Variants in TRPM3 observed in about 807,000 individuals in gnomAD.
TRPM3 encodes transient receptor potential cation channel subfamily M member 3.
TRPM3 carries 77 observed loss-of-function variants against 181.2 expected under a neutral mutation model. The observed-to-expected ratio is 0.42, with a 90% CI of 0.35 to 0.51. The LOEUF is 0.51. Ranked by LOEUF, TRPM3 falls within the 20% of genes least tolerant of loss-of-function variation. The pLI is 0.01. For missense variants in TRPM3, 1,759 were observed against 2,196.7 expected (o/e 0.80, Z 3.98); for synonymous variants, 745 against 796.4 (o/e 0.94, Z 1.09).
chr9:70,854,245 C>G (rs2095324840), intron 3 of TRPM3, among the ~76,000 whole-genome samples: 1 of 152,160 alleles, frequency 6.6e-6, no homozygotes, highest in African/African-American at 2.4e-5. Flanking sequence ...AGTTTTGTCC[C>G]CTGAGCATTA....
At chr9:71,059,011 ATTTTTT>A (rs1162577364) in intron 1 of TRPM3, among the ~76,000 whole-genome samples, 37 of 52,638 alleles carry the variant, frequency 7.0e-4, no homozygotes, top group Non-Finnish European at 1.0e-3. Context: ...TTGTTTGTTC[ATTTTTT>A]TTTTTTTTTT....
chr9:71,293,198 A>C (rs2085969338), intron 1 of TRPM3, among the ~76,000 whole-genome samples: 1 of 151,914 alleles, frequency 6.6e-6, no homozygotes, highest in African/African-American at 2.4e-5. Context: ...TTATCTTTTC[A>C]ATAATGAAAT....
intron 1 of TRPM3, among the ~76,000 whole-genome samples, chr9:71,408,403 C>T (rs2093478167): frequency 6.6e-6 from 1 of 152,116 alleles, no homozygotes; most frequent in Admixed American, 6.5e-5. Flanking sequence ...ATAGAGAAGA[C>T]CTTAAATGAC....
chr9:71,133,128 A>T (rs1005109020), intron 1 of TRPM3, among the ~76,000 whole-genome samples: 1 of 152,066 alleles, frequency 6.6e-6, no homozygotes, highest in African/African-American at 2.4e-5. Context: ...GAAAAGTATA[A>T]GAACGTCCTT....
At position 70,843,108 on chromosome 9, in the gene TRPM3, G is replaced by A. The variant is rs200167036; in HGVS notation, c.696C>T (p.Gly232=). The part of the protein sequence containing the change: ...GVNTGVIRHV[G]DALKDHASKS... ...TAGAGGCATGATCCTTCAAGGCATC[G>A]CCAACATGACGAATAACACCTAAAA... The change falls in exon 5 of 26, where the codon GGC becomes GGT. Residue 232 remains glycine (G), a synonymous_variant. Coordinates refer to ENST00000677713, the MANE Select transcript of TRPM3 (RefSeq NM_001366145.2). 4.1e-5 allele frequency: 66 copies of A among 1,601,984 alleles called. No individual in the cohort carries two copies. Among genetic ancestry groups the A allele is most frequent in the Middle Eastern group, 1.7e-4 (1 of 6,044 alleles).
intron 1 of TRPM3, among the ~76,000 whole-genome samples, chr9:71,296,707 G>C (rs2086286923): frequency 6.6e-6 from 1 of 152,108 alleles, no homozygotes; most frequent in South Asian, 2.1e-4. Context: ...CTGATAAAAG[G>C]ACTATGGGAA....
intron 1 of TRPM3, among the ~76,000 whole-genome samples, chr9:71,362,180 C>T (rs1288987536): frequency 6.6e-6 from 1 of 152,222 alleles, no homozygotes; most frequent in Non-Finnish European, 1.5e-5. Context: ...CAGGGTTCCC[C>T]TATCCCCAGT....
chr9:71,145,563 T>C (rs898042351), intron 1 of TRPM3, among the ~76,000 whole-genome samples: 1 of 152,130 alleles, frequency 6.6e-6, no homozygotes, highest in South Asian at 2.1e-4. Context: ...GAAAAGGAAA[T>C]GCAGATAATA....
At chr9:71,170,731 T>C (rs1374216270) in intron 1 of TRPM3, among the ~76,000 whole-genome samples, 5 of 152,170 alleles carry the variant, frequency 3.3e-5, no homozygotes, top group Admixed American at 3.3e-4. Context: ...CCTGTCAGCT[T>C]AGGAGGATGT....
At chr9:70,912,100 T>C (rs748664846) in intron 1 of TRPM3, among the ~76,000 whole-genome samples, 3 of 152,186 alleles carry the variant, frequency 2.0e-5, no homozygotes, top group Non-Finnish European at 4.4e-5. Context: ...TTCATGAGTG[T>C]CTCAATCTGT....
chr9:71,299,926 A>G (rs1388456000), intron 1 of TRPM3, among the ~76,000 whole-genome samples: 1 of 152,158 alleles, frequency 6.6e-6, no homozygotes, highest in African/African-American at 2.4e-5. Context: ...ACAAGATGGC[A>G]TATTTATATA....
chr9:70,988,824 T>A (rs1432865609), intron 1 of TRPM3, among the ~76,000 whole-genome samples: 2 of 152,188 alleles, frequency 1.3e-5, no homozygotes, highest in African/African-American at 2.4e-5. Context: ...GGGCACTACA[T>A]GGGAAGGACC....
chr9:70,901,962 CAATTAGG>C, intron 1 of TRPM3, among the ~76,000 whole-genome samples: 1 of 152,064 alleles, frequency 6.6e-6, no homozygotes, highest in East Asian at 1.9e-4. Context: ...CTTGTTGCCG[CAATTAGG>C]ATAAGATAAC....
chr9:71,257,733 T>A (rs966709720), intron 1 of TRPM3, among the ~76,000 whole-genome samples: 1 of 152,218 alleles, frequency 6.6e-6, no homozygotes, highest in Non-Finnish European at 1.5e-5. Context: ...TTGTACTAAG[T>A]CTGTACTTCC....
In TRPM3 at chr9:70,605,961, T is replaced by TAGG. The variant is rs2061011662; in HGVS notation, c.2668-2492_2668-2491insCCT. ...ATACTTAAGTAACTCCTTAAACCTA[T>TAGG]TTTAATGCTTAAGTAACTCCTTGAA... On this transcript the variant is annotated intron_variant, in intron 19 of 25. Coordinates refer to ENST00000677713, the MANE Select transcript of TRPM3 (RefSeq NM_001366145.2). 2.0e-5 allele frequency among the ~76,000 whole-genome samples: 3 copies of TAGG among 152,198 alleles called. No individual in the cohort carries two copies. The East Asian group carries it at 5.8e-4, about 29-fold the overall frequency.
chr9:71,008,944 C>T (rs993977554), intron 1 of TRPM3, among the ~76,000 whole-genome samples: 3 of 152,190 alleles, frequency 2.0e-5, no homozygotes, highest in African/African-American at 7.2e-5. Context: ...AAATGTGGTA[C>T]ATCACATTAA....
intron 1 of TRPM3, among the ~76,000 whole-genome samples, chr9:71,012,696 C>G (rs2097755771): frequency 6.6e-6 from 1 of 151,548 alleles, no homozygotes; most frequent in Non-Finnish European, 1.5e-5. Context: ...CTTTTAATTC[C>G]TTTTGTTTTG....
At chr9:70,999,238 C>T (rs1315455656) in intron 1 of TRPM3, among the ~76,000 whole-genome samples, 2 of 152,248 alleles carry the variant, frequency 1.3e-5, no homozygotes, top group Non-Finnish European at 2.9e-5. Context: ...TCTATCCATC[C>T]GAAGTAGATC....
At chr9:70,980,251 G>T (rs2909298) in intron 1 of TRPM3, among the ~76,000 whole-genome samples, 146,833 of 152,058 alleles carry the variant, frequency 0.97, 71,103 homozygotes, top group Middle Eastern at 1. Context: ...AGAAAAGGCT[G>T]TCTAGAGGAA....
Sources: allele counts gnomAD v4.1 joint callset (sites outside exome capture counted in the v4.1 genomes callset), GRCh38; gene constraint gnomAD v4.1.1; transcripts MANE v1.5; gene names NCBI Gene and HGNC (gene_info 2026-07-23, HGNC 2026-07-21).